The following ZFYVE1 variants were observed in gnomAD, a reference collection of about 807,000 sequenced individuals.
ZFYVE1 encodes the protein zinc finger FYVE-type containing 1.
Under a neutral mutation model 74.4 loss-of-function variants are expected in ZFYVE1, and 30 were observed. The observed-to-expected ratio is 0.40, with a 90% CI of 0.30 to 0.55. ZFYVE1 has a LOEUF of 0.55. ZFYVE1 is among the 20% of genes least tolerant of loss of function. The pLI is 0.42. For missense variants in ZFYVE1, 703 were observed against 1,011.6 expected (o/e 0.69, Z 4.14); for synonymous variants, 335 against 385.1 (o/e 0.87, Z 1.52).
chr14:72,992,626 CCCTT>C lies in ZFYVE1; in HGVS notation c.1203+513_1203+516del, dbSNP rs769350541. Among the ~76,000 whole-genome samples, 30 of 108,986 alleles carry C rather than the reference CCCTT, an allele frequency of 2.8e-4. 2 individuals are homozygous for C. Among genetic ancestry groups the C allele is most frequent in the Middle Eastern group, 5.3e-3 (1 of 190 alleles). 71.5% of individuals were successfully genotyped at this position (108,986 alleles called of 152,430 possible). A position where few individuals can be genotyped will look rare whatever the true frequency, so the allele number is the denominator to read the frequency against. ...GGTCCCATTCAGGTGCCCCCCCCGCCCCTTGCAAGAGAGAGAGAGCTGTTCTTTC... is the reference window on the plus strand; with the variant it reads ...GGTCCCATTCAGGTGCCCCCCCCGCCGCAAGAGAGAGAGAGCTGTTCTTTC... On this transcript the variant is annotated intron_variant, in intron 4 of 11. Transcript: ENST00000556143.
chr14:73,004,462 A>C (rs905794593), intron 2 of ZFYVE1, among the ~76,000 whole-genome samples: 3 of 150,676 alleles, frequency 2.0e-5, no homozygotes, highest in Admixed American at 6.6e-5. Context: ...ATGATGTACT[A>C]TATATATATA....
At chr14:72,971,228 G>A in intron 11 of ZFYVE1, 114 bp from the exon 12 acceptor site, 1 of 1,047,464 alleles carries the variant, frequency 9.5e-7, no homozygotes. Context: ...ACACAGAATT[G>A]CTGACAGAGC....
At chr14:72,986,267 G>A (rs556947820) in intron 4 of ZFYVE1, among the ~76,000 whole-genome samples, 2 of 152,214 alleles carry the variant, frequency 1.3e-5, no homozygotes, top group East Asian at 1.9e-4. Context: ...GGCTTATGTT[G>A]TCCAAGGTAA....
At chr14:72,984,116 A>G (rs925702295) in intron 4 of ZFYVE1, among the ~76,000 whole-genome samples, 1 of 152,218 alleles carries the variant, frequency 6.6e-6, no homozygotes, top group Non-Finnish European at 1.5e-5. Flanking sequence ...TGCAGAGGCC[A>G]TAGAACACCA....
In ZFYVE1 at chr14:73,023,330, TTA is replaced by T. The variant is rs1196461441; in HGVS notation, c.483+694_483+695del. 6.7e-4 allele frequency among the ~76,000 whole-genome samples: 36 copies of T among 53,940 alleles called. 2 individuals are homozygous for T. Among genetic ancestry groups the T allele is most frequent in the South Asian group, 1.8e-3 (4 of 2,236 alleles). The allele number at this position is 53,940 out of a possible 152,430, so 35.4% of individuals were successfully genotyped here. A position where few individuals can be genotyped will look rare whatever the true frequency, so the allele number is the denominator to read the frequency against. ...ATATATGTTTTATATATAATATATATTATATATGTTTTATATATAATATATAT... is the reference window on the plus strand; with the variant it reads ...ATATATGTTTTATATATAATATATATTATATGTTTTATATATAATATATAT... On this transcript the variant is annotated intron_variant, in intron 2 of 11. Coordinates refer to ENST00000556143, the MANE Select transcript of ZFYVE1 (RefSeq NM_021260.4).
rs988560355 is a variant in ZFYVE1, at chr14:72,997,758, T to C, written c.988+53A>G. The C allele has an allele frequency of 2.0e-6, 3 of 1,515,936 alleles. No homozygotes were observed. The African/African-American group carries it at 4.2e-5, about 21-fold the overall frequency. The allele number at this position is 1,515,936 out of a possible 1,614,324, so 93.9% of individuals were successfully genotyped here. A position where few individuals can be genotyped will look rare whatever the true frequency, so the allele number is the denominator to read the frequency against. On this transcript the variant is annotated intron_variant, in intron 3 of 11. Coordinates refer to ENST00000556143, the MANE Select transcript of ZFYVE1 (RefSeq NM_021260.4). ...AAGTTGCTATTGCAGACCAAATAGC[T>C]GCCTCCTTGTACCCATAAAGGTTGA...
intron 2 of ZFYVE1, among the ~76,000 whole-genome samples, chr14:73,000,909 T>G (rs1321972623): frequency 6.6e-6 from 1 of 152,224 alleles, no homozygotes; most frequent in Non-Finnish European, 1.5e-5. Flanking sequence ...AGGAGCCACT[T>G]CCACCCCTTG....
chr14:72,980,536 A>AATTAATTTATTT (rs1268962142), intron 5 of ZFYVE1, among the ~76,000 whole-genome samples: 9 of 81,504 alleles, frequency 1.1e-4, no homozygotes, highest in African/African-American at 3.5e-4. Context: ...AGAATTAATT[A>AATTAATTTATTT]ATTTATTTAT....
Position 73,024,425 on chromosome 14 carries a change from A to C in ZFYVE1, c.84T>G (p.Asp28Glu). The stretch of plus-strand genomic sequence containing the variant: ...ACTCATCACACTCAAAGATAGCTTC[A>C]TCAGTCCCGCTGCAAGCGTAACTTT... ...CQESYACSGT[D>E]EAIFECDECC... is the part of the protein sequence containing the mutation. The change falls in exon 2 of 12, where the codon GAT becomes GAG. Residue 28 changes from aspartate to glutamate, a missense_variant. Physicochemically the swap from Asp to Glu is conservative, Grantham distance 45. This residue lies in a region of ZFYVE1 where 211 missense variants were observed against 221.7 expected (regional missense o/e 0.95). Transcript: ENST00000556143. 6.2e-7 allele frequency: 1 copy of C among 1,614,172 alleles called. No individual in the cohort carries two copies. The highest frequency in any genetic ancestry group is 8.5e-7 in the Non-Finnish European group (1 of 1,180,014).
rs1348733527 is a variant in ZFYVE1, at chr14:72,970,944, G to A, written c.2272C>T (p.Arg758Cys). 3.7e-6 allele frequency: 6 copies of A among 1,614,132 alleles called. No homozygotes were observed. Among genetic ancestry groups the A allele is most frequent in the Admixed American group, 1.7e-5 (1 of 60,008 alleles). ...CSHDRRAVPS[R>C]GWDHPVRVCF... is the part of the protein sequence containing the mutation. ...ACTCGGACGGGATGGTCCCAGCCAC[G>A]AGAAGGAACAGCCCGGCGGTCATGG... Residue 758 changes from arginine to cysteine, a missense_variant, in exon 12 of 12, where the codon CGT becomes TGT. By Grantham distance (180) the Arg-to-Cys change is radical. This residue lies in a region of ZFYVE1 where 492 missense variants were observed against 790.0 expected (regional missense o/e 0.62). Transcript: ENST00000556143.
At chr14:73,002,818 T>C (rs1171464166) in intron 2 of ZFYVE1, among the ~76,000 whole-genome samples, 1 of 149,886 alleles carries the variant, frequency 6.7e-6, no homozygotes, top group African/African-American at 2.5e-5. Flanking sequence ...CTCAGCTCAC[T>C]GCAAGCTCCA....
intron 2 of ZFYVE1, among the ~76,000 whole-genome samples, chr14:73,013,989 C>T (rs559930733): frequency 1.3e-5 from 2 of 152,270 alleles, no homozygotes; most frequent in African/African-American, 4.8e-5. Context: ...CAGGAAAACA[C>T]TGAAGGTCAA....
At chr14:73,023,305 A>ATATATGTTTTATATAATATATAT (rs1894372103) in intron 2 of ZFYVE1, among the ~76,000 whole-genome samples, 8 of 86,012 alleles carry the variant, frequency 9.3e-5, no homozygotes, top group African/African-American at 4.0e-4. Context: ...AATATATATT[A>ATATATGTTTTATATAATATATAT]TATATGTTTT....
intron 4 of ZFYVE1, among the ~76,000 whole-genome samples, chr14:72,988,005 T>A (rs1221820556): frequency 6.6e-6 from 1 of 152,172 alleles, no homozygotes; most frequent in African/African-American, 2.4e-5. Flanking sequence ...CACACACATA[T>A]GTGCATGCAT....
At chr14:72,984,021 G>C (rs147648908) in intron 4 of ZFYVE1, among the ~76,000 whole-genome samples, 101 of 152,264 alleles carry the variant, frequency 6.6e-4, no homozygotes, top group African/African-American at 2.4e-3. Flanking sequence ...GTCAGGTGTA[G>C]GACCAGAATA....
At chr14:72,980,541 ATTTATTT>A (rs1567347276) in intron 5 of ZFYVE1, among the ~76,000 whole-genome samples, 67 of 117,104 alleles carry the variant, frequency 5.7e-4, no homozygotes, top group African/African-American at 1.7e-3. Context: ...TAATTAATTT[ATTTATTT>A]ATTTATTTAT....
At chr14:73,013,936 T>G (rs1483857354) in intron 2 of ZFYVE1, among the ~76,000 whole-genome samples, 1 of 152,080 alleles carries the variant, frequency 6.6e-6, no homozygotes, top group African/African-American at 2.4e-5. Flanking sequence ...CTATATAATC[T>G]CCTGGATAAA....
At chr14:72,977,856 C>G in intron 8 of ZFYVE1, 71 bp downstream of exon 8, 1 of 1,478,802 alleles carries the variant, frequency 6.8e-7, no homozygotes. Flanking sequence ...AAGCAGGTTC[C>G]AGTTTTCTAT....
At chr14:72,993,740 G>A (rs1447481337) in intron 3 of ZFYVE1, among the ~76,000 whole-genome samples, 3 of 151,750 alleles carry the variant, frequency 2.0e-5, no homozygotes, top group East Asian at 3.9e-4. Flanking sequence ...AGTAAGATAC[G>A]AGGCTGGGTG....
Sources: gnomAD v4.1 joint callset for allele counts (sites outside exome capture counted in the v4.1 genomes callset) on GRCh38, gnomAD v4.1.1 for gene constraint, gnomAD v4.1.1 regional missense constraint, MANE v1.5 for transcripts, NCBI Gene and HGNC (gene_info 2026-07-23, HGNC 2026-07-21) for gene names.